DGKK: variants seen among roughly 807,000 people sequenced by gnomAD.
DGKK encodes the protein diacylglycerol kinase kappa, also known as 142 kDa diacylglycerol kinase.
DGKK carries 35 observed loss-of-function variants against 92.2 expected under a neutral mutation model. The observed-to-expected ratio is 0.38, with a 90% CI of 0.29 to 0.50. The LOEUF (loss-of-function observed/expected upper bound fraction) is 0.50, where lower values mean the gene tolerates loss of function less well. Among genes scored for constraint, DGKK ranks in the 20% least tolerant of loss-of-function variants. The probability of loss-of-function intolerance (pLI) is 0.92; values close to 1 mark genes in which losing one functional copy is unlikely to be tolerated. For missense variants in DGKK, 910 were observed against 992.2 expected, an observed-to-expected ratio of 0.92 and a Z score of 1.11; for synonymous variants, 368 against 360.6, an observed-to-expected ratio of 1.02 and a Z score of -0.23.
At chrX:50,440,963 G>T (rs1485734102) in intron 1 of DGKK, among the ~76,000 whole-genome samples, 2 of 111,458 alleles carry the variant, frequency 1.8e-5, no homozygotes, top group Non-Finnish European at 3.8e-5. Context: ...TAGCTATAAG[G>T]GAACAACCCA....
Position 50,376,860 on chromosome X carries a change from G to A in DGKK, c.3170C>T (p.Pro1057Leu), listed in dbSNP as rs1557223906. The A allele has an allele frequency of 2.5e-6, 3 of 1,208,054 alleles. No homozygotes were observed. The highest frequency in any genetic ancestry group is 3.4e-6 in the Non-Finnish European group (3 of 893,634). Residue 1057 changes from proline (P) to leucine (L), a missense_variant, in exon 23 of 28, where the codon CCT becomes CTT. Coordinates refer to ENST00000611977, the MANE Select transcript of DGKK (RefSeq NM_001013742.4). ...EYKHTEIQAAPQPQLDFQDSQ... is the reference protein window; with the variant it reads ...EYKHTEIQAALQPQLDFQDSQ... ...GTCCTGGAAGTCCAGCTGGGGTTGA[G>A]GGGCAGCTTGAATTTCAGTATGCTT...
chrX:50,470,776 C>G lies in DGKK; in HGVS notation c.-98G>C, dbSNP rs1214242644. On this transcript the variant is annotated 5_prime_UTR_variant, in exon 1 of 28. Transcript: ENST00000611977. The stretch of plus-strand genomic sequence containing the variant: ...CGCCCACTCCAGTCCGGCAGCCCCT[C>G]GCAGGGTGCCAAACTTTCCCCCATC... The G allele has an allele frequency of 1.0e-5, 10 of 978,209 alleles. No homozygotes were observed. The highest frequency in any genetic ancestry group is 2.0e-5 in the African/African-American group (1 of 51,118). The allele number at this position is 978,209 out of a possible 1,213,427, so 80.6% of individuals were successfully genotyped here. A position where few individuals can be genotyped will look rare whatever the true frequency, so the allele number is the denominator to read the frequency against.
chrX:50,368,949 A>C lies in DGKK; in HGVS notation c.3807T>G (p.Ser1269=). The C allele has an allele frequency of 8.3e-7, 1 of 1,208,264 alleles. No individual in the cohort carries two copies. The highest frequency in any genetic ancestry group is 1.1e-6 in the Non-Finnish European group (1 of 893,341). ...EGDDPLTPSR[S]QL ...TTCCAGCTTTCAAGGGCTACAGTTG[A>C]GATCTCGATGGTGTTAGAGGATCAT... Residue 1269 remains serine, a synonymous_variant, in exon 28 of 28, where the codon TCT becomes TCG. Transcript: ENST00000611977.
At chrX:50,379,958 A>C (rs782654901) in intron 19 of DGKK, 23 bp downstream of exon 19, 2 of 1,194,447 alleles carry the variant, frequency 1.7e-6, no homozygotes, top group Non-Finnish European at 2.3e-6. Context: ...TACCCAGGAA[A>C]GACTACCCGC....
At chrX:50,459,154 TA>T (rs1333731906) in intron 1 of DGKK, among the ~76,000 whole-genome samples, 2 of 111,582 alleles carry the variant, frequency 1.8e-5, no homozygotes, top group Non-Finnish European at 3.8e-5. Context: ...CCACCACATC[TA>T]AAAGTCCCAA....
chrX:50,425,194 G>A (rs1172312809), intron 1 of DGKK, among the ~76,000 whole-genome samples: 1 of 111,423 alleles, frequency 9.0e-6, no homozygotes, highest in Non-Finnish European at 1.9e-5. Flanking sequence ...CCACATCAAG[G>A]CTCTACCATG....
chrX:50,385,270 C>T (rs1367342322), intron 15 of DGKK, among the ~76,000 whole-genome samples: 1 of 111,581 alleles, frequency 9.0e-6, no homozygotes, highest in African/African-American at 3.3e-5. Flanking sequence ...ACTCTAATGT[C>T]TCACTCCACA....
chrX:50,392,848 G>A (rs189677953), intron 9 of DGKK, among the ~76,000 whole-genome samples: 1,896 of 112,119 alleles, frequency 0.017, 20 homozygotes, highest in Non-Finnish European at 0.025. Context: ...GTAGACAGCA[G>A]TATCCATTTG....
chrX:50,447,892 G>A (rs186864176), intron 1 of DGKK, among the ~76,000 whole-genome samples: 17 of 110,235 alleles, frequency 1.5e-4, no homozygotes, highest in African/African-American at 5.3e-4. Flanking sequence ...AAAAAGGAGC[G>A]ACTTAAAGGT....
At position 50,470,224 on chromosome X, in the gene DGKK, T is replaced by G. The variant is rs782448179; in HGVS notation, c.455A>C (p.Glu152Ala). Residue 152 changes from glutamate (E) to alanine (A), a missense_variant, in exon 1 of 28, where the codon GAG (glutamate) becomes GCG (alanine). Coordinates refer to ENST00000611977, the MANE Select transcript of DGKK (RefSeq NM_001013742.4). ...TPEVAPELAP[E>A]PTPEPVTELA... is the part of the protein sequence containing the mutation. ...CTCTGTCACAGGTTCTGGGGTCGGC[T>G]CTGGGGCCAGCTCTGGGGCAACTTC... 7 of 1,211,384 alleles carry G rather than the reference T, an allele frequency of 5.8e-6. 1 individual carries two copies. The highest frequency in any genetic ancestry group is 5.6e-6 in the Non-Finnish European group (5 of 895,311).
intron 1 of DGKK, among the ~76,000 whole-genome samples, chrX:50,444,804 T>C (rs782810292): frequency 4.5e-5 from 5 of 111,302 alleles, no homozygotes; most frequent in Non-Finnish European, 7.6e-5. Flanking sequence ...TTTGGGTATA[T>C]ACTCAGTAAT....
chrX:50,426,875 C>A (rs782450219), intron 1 of DGKK, among the ~76,000 whole-genome samples: 4 of 112,038 alleles, frequency 3.6e-5, no homozygotes, highest in Non-Finnish European at 7.5e-5. Flanking sequence ...TATGGAGCAA[C>A]AGGAACTCTC....
At chrX:50,429,510 C>G (rs1324842407) in intron 1 of DGKK, among the ~76,000 whole-genome samples, 5 of 111,379 alleles carry the variant, frequency 4.5e-5, no homozygotes, top group African/African-American at 1.6e-4. Context: ...ACGGTGAAAC[C>G]CCGTCTCTAC....
chrX:50,458,719 C>T (rs1926671458), intron 1 of DGKK, among the ~76,000 whole-genome samples: 1 of 110,665 alleles, frequency 9.0e-6, no homozygotes, highest in Middle Eastern at 4.7e-3. Context: ...TTGTCGGTTG[C>T]GTTTATTTAT....
At position 50,372,959 on chromosome X, in the gene DGKK, G is replaced by A. The variant is rs184514397; in HGVS notation, c.3502-1125C>T. Among the ~76,000 whole-genome samples the A allele has an allele frequency of 1.2e-4, 14 of 112,353 alleles. No individual in the cohort carries two copies. In the East Asian group the frequency reaches 3.9e-3, roughly 32 times the overall value. ...CTCCAGCCATAGGTTGAGCCTTGCT[G>A]GCTGTCACAAACGGGTGGCATGTGA... On this transcript the variant is annotated intron_variant, in intron 25 of 27. Transcript: ENST00000611977.
intron 26 of DGKK, among the ~76,000 whole-genome samples, chrX:50,371,315 A>C (rs113372668): frequency 2.7e-5 from 3 of 112,172 alleles, no homozygotes; most frequent in Non-Finnish European, 5.6e-5. Flanking sequence ...CATTTAGAAC[A>C]GGTATTGGCT....
At chrX:50,398,749 C>T (rs1264989887) in intron 8 of DGKK, among the ~76,000 whole-genome samples, 1 of 111,706 alleles carries the variant, frequency 9.0e-6, no homozygotes, top group African/African-American at 3.2e-5. Context: ...AGGCGGCAAC[C>T]CTCTTAACAC....
intron 22 of DGKK, 128 bp from the exon 23 acceptor site, chrX:50,377,046 G>A: frequency 3.6e-6 from 2 of 549,296 alleles, no homozygotes; most frequent in Non-Finnish European, 5.5e-6. Flanking sequence ...GGGAAGGAGG[G>A]CCCCCTGTCC....
At chrX:50,409,742 C>A (rs949247185) in intron 4 of DGKK, among the ~76,000 whole-genome samples, 1 of 111,501 alleles carries the variant, frequency 9.0e-6, no homozygotes, top group Non-Finnish European at 1.9e-5. Flanking sequence ...TGCTTGTGTA[C>A]CCCCTTCATA....
Sources: gnomAD v4.1 joint callset for allele counts (sites outside exome capture counted in the v4.1 genomes callset) on GRCh38, gnomAD v4.1.1 for gene constraint, MANE v1.5 for transcripts, NCBI Gene and HGNC (gene_info 2026-07-23, HGNC 2026-07-21) for gene names.